Variants in DELE1 observed in about 807,000 individuals in gnomAD.
DELE1 encodes DAP3 binding cell death enhancer 1, also known as death ligand signal enhancer.
DELE1 carries 54 observed loss-of-function variants against 59.3 expected under a neutral mutation model. The observed-to-expected ratio is 0.91, with a 90% CI of 0.73 to 1.14. The LOEUF (loss-of-function observed/expected upper bound fraction) is 1.14, where lower values mean the gene tolerates loss of function less well. DELE1 is among the 50% of genes most tolerant of loss of function. The pLI, the probability that DELE1 is intolerant of heterozygous loss-of-function variation, is 0.00. For synonymous variants in DELE1, 264 were observed against 259.1 expected (o/e 1.02, Z -0.18); for missense variants, 636 against 643.9 (o/e 0.99, Z 0.13).
At position 141,939,189 on chromosome 5, in the gene DELE1, A is replaced by G. The variant is rs1404229632; in HGVS notation, c.*430A>G. The G allele has an allele frequency of 1.4e-5, 11 of 803,892 alleles. No individual in the cohort carries two copies. Among genetic ancestry groups the G allele is most frequent in the Non-Finnish European group, 1.7e-5 (11 of 664,524 alleles). 49.8% of individuals were successfully genotyped at this position (803,892 alleles called of 1,614,324 possible). A position where few individuals can be genotyped will look rare whatever the true frequency, so the allele number is the denominator to read the frequency against. ...CACAAGAAGATTTTAGATGGTATTCAAATTAATATTTTCTATTTAGTTATA... is the reference window on the plus strand; with the variant it reads ...CACAAGAAGATTTTAGATGGTATTCGAATTAATATTTTCTATTTAGTTATA... On this transcript the variant is annotated 3_prime_UTR_variant, in exon 12 of 12. Transcript: ENST00000432126.
intron 3 of DELE1, among the ~76,000 whole-genome samples, chr5:141,926,598 G>T (rs1751442877): frequency 6.6e-6 from 1 of 152,220 alleles, no homozygotes; most frequent in Non-Finnish European, 1.5e-5. Flanking sequence ...CATCCCTGCT[G>T]CTTTCGTGCT....
intron 6 of DELE1, 32 bp from the exon 7 acceptor site, chr5:141,930,146 C>A: frequency 6.2e-7 from 1 of 1,606,938 alleles, no homozygotes; most frequent in Non-Finnish European, 8.5e-7. Flanking sequence ...GGTAAACCAT[C>A]CCTTGGTGAG....
At position 141,940,844 on chromosome 5, in the gene DELE1, T is replaced by G; in HGVS notation, c.*2085T>G. On this transcript the variant is annotated 3_prime_UTR_variant, in exon 12 of 12. Coordinates refer to ENST00000432126, the MANE Select transcript of DELE1 (RefSeq NM_014773.5). Reference sequence around the variant, plus strand: ...AAGCTCAGGGTTTTAAGCTGTGCAGTGCACTAAGCTCTCTGCCAAAAAACA... The same window carrying G: ...AAGCTCAGGGTTTTAAGCTGTGCAGGGCACTAAGCTCTCTGCCAAAAAACA... 1 of 985,470 alleles carries G rather than the reference T, an allele frequency of 1.0e-6. No individual in the cohort carries two copies. Among genetic ancestry groups the G allele is most frequent in the Non-Finnish European group, 1.2e-6 (1 of 829,942 alleles). The allele number at this position is 985,470 out of a possible 1,614,324, so 61.0% of individuals were successfully genotyped here.
At chr5:141,937,123 C>G in intron 10 of DELE1, 75 bp from the exon 11 acceptor site, 1 of 1,588,528 alleles carries the variant, frequency 6.3e-7, no homozygotes, top group Non-Finnish European at 8.6e-7. Flanking sequence ...CTGACTTCAT[C>G]TTCCTCCTCC....
Position 141,929,712 on chromosome 5 carries a change from A to G in DELE1, c.543A>G (p.Gly181=). Residue 181 remains glycine, a synonymous_variant, in exon 5 of 12, where the codon GGA becomes GGG. Coordinates refer to ENST00000432126, the MANE Select transcript of DELE1 (RefSeq NM_014773.5). ...ACTTCTCACACAACTCTTTGAGAGG[A>G]GCTCGTCCTCAGGACCCCTCTGAGG... The part of the protein sequence containing the change: ...PRNFSHNSLR[G]ARPQDPSEEG... The G allele has an allele frequency of 6.2e-7, 1 of 1,614,150 alleles. No individual in the cohort carries two copies. Among genetic ancestry groups the G allele is most frequent in the Non-Finnish European group, 8.5e-7 (1 of 1,180,020 alleles).
At chr5:141,929,834 C>A in intron 5 of DELE1, 94 bp downstream of exon 5, 1 of 1,539,446 alleles carries the variant, frequency 6.5e-7, no homozygotes, top group Non-Finnish European at 8.9e-7. Context: ...GGAATTGGCA[C>A]TCCTGTGAGG....
chr5:141,940,189 G>C lies in DELE1; in HGVS notation c.*1430G>C. The C allele has an allele frequency of 1.0e-6, 1 of 985,426 alleles. No homozygotes were observed. The highest frequency in any genetic ancestry group is 1.2e-6 in the Non-Finnish European group (1 of 829,940). 61.0% of individuals were successfully genotyped at this position (985,426 alleles called of 1,614,324 possible). ...CTTGAGTATTATGGGAAGAGCCAGG[G>C]AGACGGGCAGGGGGAGCTGAAAGCT... On this transcript the variant is annotated 3_prime_UTR_variant, in exon 12 of 12. Transcript: ENST00000432126.
Position 141,930,031 on chromosome 5 carries a change from A to G in DELE1, c.614A>G (p.Glu205Gly). Reference protein sequence around the residue: ...FGFLHASSSIESEAKPAQPQP... With the variant: ...FGFLHASSSIGSEAKPAQPQP... ...TTCCTGCATGCCAGTAGTAGCATCG[A>G]GTCCGAGGCAAAACCAGCCCAGCCT... The change falls in exon 6 of 12, where the codon GAG becomes GGG. Residue 205 changes from glutamate (E) to glycine (G), a missense_variant. Transcript: ENST00000432126. 2 of 1,614,192 alleles carry G rather than the reference A, an allele frequency of 1.2e-6. No individual in the cohort carries two copies. Among genetic ancestry groups the G allele is most frequent in the Non-Finnish European group, 1.7e-6 (2 of 1,180,026 alleles).
At chr5:141,924,973 G>A (rs1262902316) in intron 2 of DELE1, among the ~76,000 whole-genome samples, 4 of 151,916 alleles carry the variant, frequency 2.6e-5, no homozygotes, top group African/African-American at 4.8e-5. Flanking sequence ...TGTCGCCCAG[G>A]CTGGAGTGCA....
chr5:141,928,442 A>G (rs1751606008), intron 4 of DELE1, 144 bp downstream of exon 4: 2 of 995,152 alleles, frequency 2.0e-6, no homozygotes, highest in Non-Finnish European at 2.9e-6. Context: ...AATGTGGGGA[A>G]GTTCTATCCA....
Position 141,929,626 on chromosome 5 carries a change from A to G in DELE1, c.457A>G (p.Arg153Gly), listed in dbSNP as rs746200012. The G allele has an allele frequency of 6.2e-7, 1 of 1,614,106 alleles. No individual in the cohort carries two copies. The highest frequency in any genetic ancestry group is 8.5e-7 in the Non-Finnish European group (1 of 1,180,020). ...ILPSPDGPAP[R>G]HTGLREPRLG... Reference sequence around the variant, plus strand: ...CCCCAGCCCCGATGGCCCAGCTCCCAGGCACACTGGCCTCAGGGAACCCAG... The same window carrying G: ...CCCCAGCCCCGATGGCCCAGCTCCCGGGCACACTGGCCTCAGGGAACCCAG... Residue 153 changes from arginine (R) to glycine (G), a missense_variant, in exon 5 of 12, where the codon AGG (arginine) becomes GGG (glycine). Coordinates refer to ENST00000432126, the MANE Select transcript of DELE1 (RefSeq NM_014773.5).
intron 10 of DELE1, among the ~76,000 whole-genome samples, chr5:141,935,918 T>C (rs1358795981): frequency 6.6e-6 from 1 of 152,214 alleles, no homozygotes; most frequent in Non-Finnish European, 1.5e-5. Context: ...GCCTTACGTG[T>C]GTCCACTGCT....
rs1752668399 is a variant in DELE1 at position 141,940,441 on chromosome 5, ACCCCCC to A, written c.*1683_*1688del. 2.1e-5 allele frequency: 20 copies of A among 973,036 alleles called. No homozygotes were observed. Among genetic ancestry groups the A allele is most frequent in the Non-Finnish European group, 2.4e-5 (20 of 819,434 alleles). The allele number at this position is 973,036 out of a possible 1,614,324, so 60.3% of individuals were successfully genotyped here. A position where few individuals can be genotyped will look rare whatever the true frequency, so the allele number is the denominator to read the frequency against. On this transcript the variant is annotated 3_prime_UTR_variant, in exon 12 of 12. Transcript: ENST00000432126. ...GGGAGGGATAGAGAGCCCACCGCCC[ACCCCCC>A]ACAATCCCATGACTGAGTGGAGACC... is the stretch of plus-strand genomic sequence containing the variant.
chr5:141,934,242 G>A lies in DELE1; in HGVS notation c.900G>A (p.Ala300=), dbSNP rs564297690. The A allele has an allele frequency of 1.7e-5, 28 of 1,604,300 alleles. No individual in the cohort carries two copies. Among genetic ancestry groups the A allele is most frequent in the African/African-American group, 6.7e-5 (5 of 74,864 alleles). The change falls in exon 9 of 12, where the codon GCG becomes GCA. Residue 300 remains alanine, a splice_region_variant and synonymous_variant. Transcript: ENST00000432126. ...GRGTPRDISK[A]VLYYQLAASQ... is the part of the protein sequence containing the mutation. Reference sequence around the variant, plus strand: ...GGGTGTTTCTCCCTTTGCCCCAGGCGGTCCTTTATTATCAGTTGGCTGCCA... The same window carrying A: ...GGGTGTTTCTCCCTTTGCCCCAGGCAGTCCTTTATTATCAGTTGGCTGCCA...
Position 141,938,899 on chromosome 5 carries a change from T to A in DELE1, c.*140T>A. 1 of 1,461,942 alleles carries A rather than the reference T, an allele frequency of 6.8e-7. No homozygotes were observed. 90.6% of individuals were successfully genotyped at this position (1,461,942 alleles called of 1,614,324 possible). A position where few individuals can be genotyped will look rare whatever the true frequency, so the allele number is the denominator to read the frequency against. The stretch of plus-strand genomic sequence containing the variant: ...AGGTTCCCAAGCAATTTCACGTACA[T>A]GGCTGGTAAGTGACTGATCTTTCCC... On this transcript the variant is annotated 3_prime_UTR_variant, in exon 12 of 12. Transcript: ENST00000432126.
rs1395226418 is a variant in DELE1, at chr5:141,934,305, G to A, written c.963G>A (p.Arg321=). 4.3e-6 allele frequency: 7 copies of A among 1,614,014 alleles called. No homozygotes were observed. In the South Asian group the frequency reaches 5.5e-5, roughly 13 times the overall value. ...GCCTGGCTCAGTACCGCTATGCCAG[G>A]TGCCTACTACGAGACCCAGCCTCTT... ...GHSLAQYRYA[R]CLLRDPASSW... Residue 321 remains arginine (R), a synonymous_variant, in exon 9 of 12, where the codon AGG becomes AGA. Coordinates refer to ENST00000432126, the MANE Select transcript of DELE1 (RefSeq NM_014773.5).
chr5:141,938,737 T>A lies in DELE1; in HGVS notation c.1526T>A (p.Val509Asp). The change falls in exon 12 of 12, where the codon GTT becomes GAT. Residue 509 changes from valine (V) to aspartate (D), a missense_variant. Val to Asp is a radical substitution (Grantham distance 152). Transcript: ENST00000432126. ...PPHPYPLERS[V>D]VRLGFG ...CACCCCTACCCACTGGAAAGGAGTG[T>A]TGTAAGACTAGGTTTTGGCTAAGGT... The A allele has an allele frequency of 6.2e-7, 1 of 1,613,362 alleles. No individual in the cohort carries two copies. Among genetic ancestry groups the A allele is most frequent in the East Asian group, 2.2e-5 (1 of 44,852 alleles).
At chr5:141,934,098 T>A in intron 8 of DELE1, 142 bp from the exon 9 acceptor site, 1 of 672,966 alleles carries the variant, frequency 1.5e-6, no homozygotes, top group Non-Finnish European at 2.3e-6. Flanking sequence ...TTTATATTTT[T>A]AAATTTTAGC....
chr5:141,929,654 T>C lies in DELE1; in HGVS notation c.485T>C (p.Leu162Pro). Residue 162 changes from leucine (L) to proline (P), a missense_variant, in exon 5 of 12, where the codon CTT (leucine) becomes CCT (proline). Leu to Pro is a moderately conservative substitution (Grantham distance 98). Coordinates refer to ENST00000432126, the MANE Select transcript of DELE1 (RefSeq NM_014773.5). ...PRHTGLREPR[L>P]GQEEASAQPR... The stretch of plus-strand genomic sequence containing the variant: ...CACACTGGCCTCAGGGAACCCAGGC[T>C]TGGCCAGGAAGAAGCCTCAGCTCAG... 6.2e-7 allele frequency: 1 copy of C among 1,614,222 alleles called. No individual in the cohort carries two copies.
Sources: gnomAD v4.1 joint callset for allele counts (sites outside exome capture counted in the v4.1 genomes callset) on GRCh38, gnomAD v4.1.1 for gene constraint, MANE v1.5 for transcripts, NCBI Gene and HGNC (gene_info 2026-07-23, HGNC 2026-07-21) for gene names.